The following GALNT17 variants were observed in gnomAD, a reference collection of about 807,000 sequenced individuals.
GALNT17 encodes polypeptide N-acetylgalactosaminyltransferase 17.
Under a neutral mutation model 63.7 loss-of-function variants are expected in GALNT17, and 29 were observed. The ratio of observed to expected loss-of-function variants is 0.46; its 90% confidence interval spans 0.34 to 0.62. The LOEUF (loss-of-function observed/expected upper bound fraction) is 0.62, where lower values mean the gene tolerates loss of function less well. Among genes scored for constraint, GALNT17 ranks in the 20% least tolerant of loss-of-function variants. The pLI is 0.01. For missense variants in GALNT17, 603 were observed against 799.6 expected (o/e 0.75, Z 2.97); for synonymous variants, 305 against 318.3 (o/e 0.96, Z 0.45).
At chr7:71,653,626 C>T (rs1241914811) in intron 6 of GALNT17, among the ~76,000 whole-genome samples, 5 of 151,890 alleles carry the variant, frequency 3.3e-5, no homozygotes, top group South Asian at 2.1e-4. Flanking sequence ...AGGCTGGTCT[C>T]GAACTCCTGA....
intron 1 of GALNT17, among the ~76,000 whole-genome samples, chr7:71,161,578 T>C (rs1788342689): frequency 6.6e-6 from 1 of 152,226 alleles, no homozygotes; most frequent in Non-Finnish European, 1.5e-5. Flanking sequence ...ATGGAGTATT[T>C]AAACTTACAA....
chr7:71,650,934 G>A (rs1246600856), intron 6 of GALNT17, among the ~76,000 whole-genome samples: 1 of 152,160 alleles, frequency 6.6e-6, no homozygotes, highest in Admixed American at 6.6e-5. Flanking sequence ...ACCCCTGGCA[G>A]CGTTTAGCTT....
chr7:71,631,813 C>T (rs968734712), intron 6 of GALNT17, among the ~76,000 whole-genome samples: 6 of 152,042 alleles, frequency 3.9e-5, no homozygotes, highest in African/African-American at 9.7e-5. Flanking sequence ...TTTCACTGGT[C>T]GCAGGGTGCC....
chr7:71,179,061 T>C (rs1165137526), intron 1 of GALNT17, among the ~76,000 whole-genome samples: 1 of 152,166 alleles, frequency 6.6e-6, no homozygotes, highest in African/African-American at 2.4e-5. Flanking sequence ...ACTTGATCCT[T>C]TGGGCTAGCT....
chr7:71,612,546 G>A (rs1346342123), intron 6 of GALNT17, among the ~76,000 whole-genome samples: 2 of 152,226 alleles, frequency 1.3e-5, no homozygotes, highest in Non-Finnish European at 2.9e-5. Context: ...TTGGCACACA[G>A]CGTAGATGAG....
intron 1 of GALNT17, among the ~76,000 whole-genome samples, chr7:71,286,724 A>G (rs1583829647): frequency 6.8e-6 from 1 of 148,016 alleles, no homozygotes; most frequent in Non-Finnish European, 1.5e-5. Flanking sequence ...TAAAGGAGGG[A>G]TTATCTCCTA....
intron 5 of GALNT17, among the ~76,000 whole-genome samples, chr7:71,442,941 C>T (rs1382991424): frequency 6.6e-6 from 1 of 152,114 alleles, no homozygotes; most frequent in East Asian, 1.9e-4. Context: ...GACTCCCAGG[C>T]TCTTAAGAAC....
intron 5 of GALNT17, among the ~76,000 whole-genome samples, chr7:71,456,314 G>C (rs1418960758): frequency 6.6e-6 from 1 of 152,194 alleles, no homozygotes; most frequent in Non-Finnish European, 1.5e-5. Context: ...TATATTGCGA[G>C]AGTCAGTGAA....
rs1032710206 is a variant in GALNT17, at chr7:71,369,831, A to G, written c.423-18404A>G. Among the ~76,000 whole-genome samples the G allele has an allele frequency of 5.3e-5, 8 of 151,128 alleles. No homozygotes were observed. The South Asian group carries it at 8.3e-4, about 16-fold the overall frequency. On this transcript the variant is annotated intron_variant, in intron 2 of 10. Coordinates refer to ENST00000333538, the MANE Select transcript of GALNT17 (RefSeq NM_022479.3). ...TTTGTCAAAAAAAAAAAAAAAAAAA[A>G]AAAAAAGAACAAAAACTATGTATTA... is the stretch of plus-strand genomic sequence containing the variant.
intron 5 of GALNT17, among the ~76,000 whole-genome samples, chr7:71,532,953 G>T (rs1430666183): frequency 6.6e-6 from 1 of 152,136 alleles, no homozygotes; most frequent in Non-Finnish European, 1.5e-5. Flanking sequence ...TGGGGAGAGT[G>T]TGTGCCCCAC....
chr7:71,640,170 A>G (rs1790583996), intron 6 of GALNT17, among the ~76,000 whole-genome samples: 1 of 152,212 alleles, frequency 6.6e-6, no homozygotes, highest in African/African-American at 2.4e-5. Context: ...ATCATTTAAT[A>G]TGGTCCCTTT....
intron 1 of GALNT17, among the ~76,000 whole-genome samples, chr7:71,203,564 G>A (rs1240746662): frequency 1.3e-5 from 2 of 152,182 alleles, no homozygotes; most frequent in Admixed American, 1.3e-4. Context: ...GGGGCATGGT[G>A]TATTAGGCTG....
intron 3 of GALNT17, among the ~76,000 whole-genome samples, chr7:71,395,456 C>T (rs1793121977): frequency 6.6e-6 from 1 of 152,086 alleles, no homozygotes; most frequent in South Asian, 2.1e-4. Context: ...AGTATAGATA[C>T]AGCACATTTT....
intron 5 of GALNT17, among the ~76,000 whole-genome samples, chr7:71,482,511 A>G (rs926953256): frequency 6.6e-6 from 1 of 152,164 alleles, no homozygotes; most frequent in South Asian, 2.1e-4. Flanking sequence ...AACATTATAG[A>G]GTGCACTTAT....
intron 5 of GALNT17, among the ~76,000 whole-genome samples, chr7:71,511,961 G>A (rs1584015544): frequency 6.6e-6 from 1 of 151,022 alleles, no homozygotes; most frequent in African/African-American, 2.4e-5. Context: ...CCTTCTATCT[G>A]CAGTTAAGTC....
intron 5 of GALNT17, among the ~76,000 whole-genome samples, chr7:71,556,655 G>A (rs1789167379): frequency 6.6e-6 from 1 of 152,082 alleles, no homozygotes; most frequent in Non-Finnish European, 1.5e-5. Flanking sequence ...TGCCTCCTGG[G>A]CTCAAGTGAT....
chr7:71,560,784 C>G (rs867053537), intron 5 of GALNT17, among the ~76,000 whole-genome samples: 16 of 152,246 alleles, frequency 1.1e-4, no homozygotes, highest in South Asian at 4.1e-4. Flanking sequence ...AGGGCAGGAG[C>G]CTGTAAAACA....
At chr7:71,497,263 A>G (rs530325629) in intron 5 of GALNT17, among the ~76,000 whole-genome samples, 29 of 152,276 alleles carry the variant, frequency 1.9e-4, no homozygotes, top group Middle Eastern at 3.4e-3. Context: ...ACATTGTGCA[A>G]ACTGTGTGCC....
At chr7:71,252,385 C>T (rs774408520) in intron 1 of GALNT17, among the ~76,000 whole-genome samples, 5 of 151,966 alleles carry the variant, frequency 3.3e-5, no homozygotes, top group Non-Finnish European at 5.9e-5. Context: ...ATTACCTGGG[C>T]ACGGTGGCAC....
Sources: allele counts gnomAD v4.1 joint callset (sites outside exome capture counted in the v4.1 genomes callset), GRCh38; gene constraint gnomAD v4.1.1; transcripts MANE v1.5; gene names NCBI Gene and HGNC (gene_info 2026-07-23, HGNC 2026-07-21).